UBXN8: variants seen among roughly 807,000 people sequenced by gnomAD.
The protein encoded by UBXN8 is UBX domain protein 8.
A neutral mutation model predicts 32.1 loss-of-function variants in UBXN8; 27 were observed. That is an observed-to-expected ratio of 0.84 (90% CI 0.62 to 1.16). UBXN8 has a LOEUF of 1.16. Among genes scored for constraint, UBXN8 ranks in the 50% most tolerant of loss-of-function variants. UBXN8 has a pLI of 0.00. For synonymous variants in UBXN8, 109 were observed against 111.8 expected (o/e 0.98, Z 0.16); for missense variants, 306 against 311.4 (o/e 0.98, Z 0.13).
In UBXN8 at chr8:30,754,665, G is replaced by GATA. The variant is rs1320564624; in HGVS notation, c.283_284insATA (p.Ala95delinsAspThr). 3.6e-5 allele frequency: 56 copies of GATA among 1,546,348 alleles called. No homozygotes were observed. Among genetic ancestry groups the GATA allele is most frequent in the Non-Finnish European group, 4.2e-5 (49 of 1,158,494 alleles). ...ACACCTAATTTGTTGTTTTCAACAG[G>GATA]CCAGCAGATACATAGAGAATGTTTT... is the stretch of plus-strand genomic sequence containing the variant. On this transcript the variant is annotated protein_altering_variant and splice_region_variant, in exon 4 of 8. Transcript: ENST00000265616.
intron 1 of UBXN8, among the ~76,000 whole-genome samples, chr8:30,745,637 T>C (rs1450592740): frequency 2.6e-5 from 4 of 152,020 alleles, no homozygotes; most frequent in African/African-American, 9.7e-5. Flanking sequence ...TCACTCAAGC[T>C]GTGTTGGAAT....
chr8:30,751,268 C>G (rs1805515218), intron 1 of UBXN8, 128 bp from the exon 2 acceptor site: 2 of 720,148 alleles, frequency 2.8e-6, no homozygotes, highest in South Asian at 2.1e-5. Flanking sequence ...AATCCTAGCA[C>G]TTTGGGAGGC....
At chr8:30,738,816 C>T (rs533602461) in intron 1 of UBXN8, among the ~76,000 whole-genome samples, 1 of 150,754 alleles carries the variant, frequency 6.6e-6, no homozygotes, top group Non-Finnish European at 1.5e-5. Context: ...ATTAGCCAGG[C>T]GTGGTGGCGG....
intron 5 of UBXN8, among the ~76,000 whole-genome samples, chr8:30,759,081 G>A (rs1805755602): frequency 6.6e-6 from 1 of 151,246 alleles, no homozygotes; most frequent in Admixed American, 6.6e-5. Flanking sequence ...TTTTAGTAGA[G>A]ACAGGGTTCC....
rs1196366158 is a variant in UBXN8, at chr8:30,760,443, A to ATATTTT, written c.529-444_529-443insATTTTT. ...ATCATATATATATATATATATATAT[A>ATATTTT]TTTTTTTTTTTTTTTAAAGTGACAG... On this transcript the variant is annotated intron_variant, in intron 5 of 7. Transcript: ENST00000265616. 7.4e-4 allele frequency among the ~76,000 whole-genome samples: 67 copies of ATATTTT among 91,094 alleles called. 2 individuals carry two copies. Among genetic ancestry groups the ATATTTT allele is most frequent in the East Asian group, 5.1e-3 (17 of 3,362 alleles). The allele number at this position is 91,094 out of a possible 152,430, so 59.8% of individuals were successfully genotyped here.
At chr8:30,748,158 C>G (rs1204318559) in intron 1 of UBXN8, among the ~76,000 whole-genome samples, 1 of 150,524 alleles carries the variant, frequency 6.6e-6, no homozygotes, top group Admixed American at 6.6e-5. Flanking sequence ...TGGAGTCTCA[C>G]TCTGTCACCC....
In UBXN8 at chr8:30,744,220, T is replaced by A. The variant is rs866459208; in HGVS notation, c.31T>A (p.Phe11Ile). 1 of 1,613,856 alleles carries A rather than the reference T, an allele frequency of 6.2e-7. No homozygotes were observed. Among genetic ancestry groups the A allele is most frequent in the Non-Finnish European group, 8.5e-7 (1 of 1,179,828 alleles). The change falls in exon 1 of 8, where the codon TTC becomes ATC. Residue 11 changes from phenylalanine to isoleucine, a missense_variant. Phe to Ile is a conservative substitution (Grantham distance 21, BLOSUM62 0). Coordinates refer to ENST00000265616, the MANE Select transcript of UBXN8 (RefSeq NM_005671.4). Reference protein sequence around the residue: MASRGVVGIFFLSAVPLVCLE... With the variant: MASRGVVGIFILSAVPLVCLE... ...TTCACGTGGGGTTGTTGGCATTTTCTTCCTCTCTGCTGTCCCCCTTGTGTG... is the reference window on the plus strand; with the variant it reads ...TTCACGTGGGGTTGTTGGCATTTTCATCCTCTCTGCTGTCCCCCTTGTGTG...
intron 5 of UBXN8, among the ~76,000 whole-genome samples, chr8:30,757,730 G>T (rs1191956347): frequency 6.6e-6 from 1 of 151,418 alleles, no homozygotes; most frequent in Non-Finnish European, 1.5e-5. Flanking sequence ...GCAGTGGCAG[G>T]CGCCTGTAAT....
chr8:30,744,300 G>A (rs1464931059), intron 1 of UBXN8, 23 bp downstream of exon 1: 2 of 1,603,672 alleles, frequency 1.2e-6, no homozygotes, highest in Non-Finnish European at 1.7e-6. Context: ...TTTTCCCTTC[G>A]ACAGTCACAG....
upstream of UBXN8, among the ~76,000 whole-genome samples, chr8:30,742,316 C>T (rs1480609117): frequency 6.6e-6 from 1 of 152,168 alleles, no homozygotes; most frequent in African/African-American, 2.4e-5. Flanking sequence ...GCCTCTGCGG[C>T]CCTAGCAACA....
chr8:30,730,267 C>T (rs1416481556), upstream of UBXN8, among the ~76,000 whole-genome samples: 5 of 152,146 alleles, frequency 3.3e-5, no homozygotes, highest in Non-Finnish European at 5.9e-5. Context: ...GGGCACATGG[C>T]GGAGAGGCGT....
At chr8:30,743,605 G>C (rs1394942255), upstream of UBXN8, among the ~76,000 whole-genome samples, 3 of 152,216 alleles carry the variant, frequency 2.0e-5, no homozygotes, top group Non-Finnish European at 4.4e-5. Context: ...AAACTGAAAA[G>C]GGGCGGAACA....
At chr8:30,754,823 C>G in intron 4 of UBXN8, 36 bp downstream of exon 4, 2 of 1,542,416 alleles carry the variant, frequency 1.3e-6, no homozygotes, top group East Asian at 2.5e-5. Flanking sequence ...TTTGAATCCT[C>G]TTACTATGTT....
upstream of UBXN8, chr8:30,732,165 CA>C (rs1804973131): frequency 2.9e-6 from 1 of 343,378 alleles, no homozygotes; most frequent in African/African-American, 2.2e-5. Context: ...ACTCCCCCAC[CA>C]TCTTCGGGGA....
chr8:30,762,920 G>T (rs1184937494), intron 6 of UBXN8, among the ~76,000 whole-genome samples: 2 of 151,760 alleles, frequency 1.3e-5, no homozygotes, highest in African/African-American at 4.8e-5. Context: ...TCCAGGCTGG[G>T]TGCAGTGGCG....
chr8:30,742,043 C>G (rs1185054036), upstream of UBXN8, among the ~76,000 whole-genome samples: 1 of 152,168 alleles, frequency 6.6e-6, no homozygotes, highest in African/African-American at 2.4e-5. Context: ...AACTGTAGAA[C>G]TTCCTTTCCT....
chr8:30,763,391 A>G, intron 7 of UBXN8, 44 bp downstream of exon 7: 1 of 1,577,426 alleles, frequency 6.3e-7, no homozygotes, highest in Non-Finnish European at 8.7e-7. Flanking sequence ...TTTGTTGAAT[A>G]TGGCAGTAGT....
At chr8:30,751,334 T>G in intron 1 of UBXN8, 62 bp from the exon 2 acceptor site, 34 of 1,393,586 alleles carry the variant, frequency 2.4e-5, no homozygotes, top group African/African-American at 4.3e-5. Context: ...GTCAACATAG[T>G]GAGACCTCAT....
chr8:30,761,042 G>A lies in UBXN8; in HGVS notation c.570+113G>A, dbSNP rs2128756384. ...TTTAGAAAGAAGTGATAGCATAAGT[G>A]TTCATGTGATTATACTGTAACTAGG... On this transcript the variant is annotated intron_variant, in intron 6 of 7. Coordinates refer to ENST00000265616, the MANE Select transcript of UBXN8 (RefSeq NM_005671.4). 5.6e-6 allele frequency: 4 copies of A among 713,344 alleles called. No homozygotes were observed. The South Asian group carries it at 7.9e-5, about 14-fold the overall frequency. 44.2% of individuals were successfully genotyped at this position (713,344 alleles called of 1,614,324 possible).
Sources: allele counts gnomAD v4.1 joint callset (sites outside exome capture counted in the v4.1 genomes callset), GRCh38; gene constraint gnomAD v4.1.1; transcripts MANE v1.5; gene names NCBI Gene and HGNC (gene_info 2026-07-23, HGNC 2026-07-21).